The following ZNF257 variants were observed in gnomAD, a reference collection of about 807,000 sequenced individuals.
The protein encoded by ZNF257 is bone marrow zinc finger 4.
ZNF257 carries 12 observed loss-of-function variants against 11.9 expected under a neutral mutation model. The observed-to-expected ratio is 1.01, with a 90% confidence interval of 0.65 to 1.63. The LOEUF is 1.63. Among genes scored for constraint, ZNF257 ranks in the 40% most tolerant of loss-of-function variants. The pLI is 0.00. For synonymous variants in ZNF257, 183 were observed against 222.7 expected (o/e 0.82, Z 1.59); for missense variants, 580 against 665.5 (o/e 0.87, Z 1.41).
At position 22,068,873 on chromosome 19, in the gene ZNF257, T is replaced by C. The variant is rs139937682; in HGVS notation, c.4-3936T>C. On this transcript the variant is annotated intron_variant, in intron 1 of 3. Coordinates refer to ENST00000594947, the MANE Select transcript of ZNF257 (RefSeq NM_033468.4). Reference sequence around the variant, plus strand: ...TCAGCCTAAATCTCTTCTGTCTGGCTTACAATTGGGCCGTCAGCACACGGT... The same window carrying C: ...TCAGCCTAAATCTCTTCTGTCTGGCCTACAATTGGGCCGTCAGCACACGGT... 2.5e-3 allele frequency among the ~76,000 whole-genome samples: 386 copies of C among 152,284 alleles called. 3 individuals carry two copies. The highest frequency in any genetic ancestry group is 9.0e-3 in the African/African-American group (373 of 41,552).
chr19:22,056,478 ATTT>A (rs79915542), intron 1 of ZNF257, among the ~76,000 whole-genome samples: 1 of 134,602 alleles, frequency 7.4e-6, no homozygotes. Flanking sequence ...GAATTTAGAA[ATTT>A]TTTTTTTTTT....
intron 1 of ZNF257, 34 bp from the exon 2 acceptor site, chr19:22,072,775 A>T (rs748621500): frequency 3.5e-5 from 56 of 1,591,388 alleles, no homozygotes; most frequent in Non-Finnish European, 4.8e-5. Context: ...CCACTTGGTA[A>T]ATATATGTGT....
intron 3 of ZNF257, among the ~76,000 whole-genome samples, chr19:22,079,422 A>G (rs908986623): frequency 1.3e-5 from 2 of 152,170 alleles, no homozygotes; most frequent in African/African-American, 2.4e-5. Context: ...AACATACCCA[A>G]GACTGGGTAA....
intron 3 of ZNF257, among the ~76,000 whole-genome samples, chr19:22,079,591 C>T (rs1330672452): frequency 6.6e-6 from 1 of 152,082 alleles, no homozygotes; most frequent in Non-Finnish European, 1.5e-5. Context: ...ATCAGATCTC[C>T]TGGAACTTAT....
chr19:22,076,940 G>C (rs368243897), intron 3 of ZNF257, among the ~76,000 whole-genome samples: 5 of 152,170 alleles, frequency 3.3e-5, no homozygotes, highest in African/African-American at 9.6e-5. Flanking sequence ...CGCCTGCCTT[G>C]GCCTCCCAAT....
intron 3 of ZNF257, among the ~76,000 whole-genome samples, chr19:22,076,915 C>T (rs527376516): frequency 6.6e-6 from 1 of 152,146 alleles, no homozygotes; most frequent in Non-Finnish European, 1.5e-5. Flanking sequence ...GTCTCGATCA[C>T]CTGACCTCAT....
At chr19:22,054,284 G>T (rs1330988813) in intron 1 of ZNF257, among the ~76,000 whole-genome samples, 1 of 151,922 alleles carries the variant, frequency 6.6e-6, no homozygotes, top group East Asian at 2.0e-4. Context: ...GGGCTAGGCT[G>T]GTCTCGAACT....
chr19:22,075,342 CCTCGGGTCACA>C (rs1230553283), intron 3 of ZNF257: 3 of 152,094 alleles, frequency 2.0e-5, no homozygotes, highest in Non-Finnish European at 4.4e-5. Flanking sequence ...CAGAGGATTT[CCTCGGGTCACA>C]CTGTGTTGGT....
intron 3 of ZNF257, 34 bp downstream of exon 3, chr19:22,073,598 AACAGATGAGAGATCC>A (rs765597888): frequency 2.6e-5 from 41 of 1,591,042 alleles, no homozygotes; most frequent in Non-Finnish European, 3.2e-5. Flanking sequence ...CAACAGGTGA[AACAGATGAGAGATCC>A]ACAGGTCAAG....
At chr19:22,068,210 A>C (rs1264368361) in intron 1 of ZNF257, among the ~76,000 whole-genome samples, 1 of 148,206 alleles carries the variant, frequency 6.7e-6, no homozygotes, top group African/African-American at 2.5e-5. Flanking sequence ...GCTGATTATC[A>C]AAGTGTAGAT....
At position 22,089,755 on chromosome 19, in the gene ZNF257, C is replaced by A; in HGVS notation, c.*313C>A. On this transcript the variant is annotated 3_prime_UTR_variant, in exon 4 of 4. Coordinates refer to ENST00000594947, the MANE Select transcript of ZNF257 (RefSeq NM_033468.4). ...CTTTAAAAGTTCTCAACCCTTATTACACATAATTTATACTGGACAGAAATC... is the reference window on the plus strand; with the variant it reads ...CTTTAAAAGTTCTCAACCCTTATTAAACATAATTTATACTGGACAGAAATC... 1 of 416,426 alleles carries A rather than the reference C, an allele frequency of 2.4e-6. No homozygotes were observed. 25.8% of individuals were successfully genotyped at this position (416,426 alleles called of 1,614,324 possible). A position where few individuals can be genotyped will look rare whatever the true frequency, so the allele number is the denominator to read the frequency against.
At chr19:22,073,672 A>T in intron 3 of ZNF257, 108 bp downstream of exon 3, 1 of 1,379,750 alleles carries the variant, frequency 7.2e-7, no homozygotes, top group Non-Finnish European at 9.7e-7. Flanking sequence ...ATTCCAAGGG[A>T]TATAGTTTCT....
rs1343935371 is a variant in ZNF257, at chr19:22,089,516, G to T, written c.*74G>T. 3 of 1,491,032 alleles carry T rather than the reference G, an allele frequency of 2.0e-6. No homozygotes were observed. Among genetic ancestry groups the T allele is most frequent in the African/African-American group, 1.4e-5 (1 of 70,062 alleles). The allele number at this position is 1,491,032 out of a possible 1,614,324, so 92.4% of individuals were successfully genotyped here. ...TTCCTCAATCCTTACTAAACATAAG[G>T]GAATTCATAATAGAGAAACCCTACA... is the stretch of plus-strand genomic sequence containing the variant. On this transcript the variant is annotated 3_prime_UTR_variant, in exon 4 of 4. Coordinates refer to ENST00000594947, the MANE Select transcript of ZNF257 (RefSeq NM_033468.4).
At chr19:22,083,014 G>A (rs376322779) in intron 3 of ZNF257, among the ~76,000 whole-genome samples, 1 of 152,082 alleles carries the variant, frequency 6.6e-6, no homozygotes, top group Non-Finnish European at 1.5e-5. Flanking sequence ...TATTTGTGGT[G>A]TAGGTTTGTT....
At chr19:22,054,113 C>A (rs925124720) in intron 1 of ZNF257, among the ~76,000 whole-genome samples, 2 of 150,604 alleles carry the variant, frequency 1.3e-5, no homozygotes, top group Admixed American at 1.3e-4. Context: ...CACTCTGTCA[C>A]CCAGGCTGGA....
At chr19:22,060,063 A>C (rs1166806948) in intron 1 of ZNF257, among the ~76,000 whole-genome samples, 1 of 152,212 alleles carries the variant, frequency 6.6e-6, no homozygotes, top group East Asian at 1.9e-4. Context: ...TACCATGGAT[A>C]GGCATTTAGG....
At chr19:22,087,053 T>G (rs1415301975) in intron 3 of ZNF257, among the ~76,000 whole-genome samples, 1 of 151,836 alleles carries the variant, frequency 6.6e-6, no homozygotes, top group Non-Finnish European at 1.5e-5. Context: ...CTTATTTTTC[T>G]GATTTTCAGT....
intron 1 of ZNF257, among the ~76,000 whole-genome samples, chr19:22,061,577 T>C (rs1313986396): frequency 6.6e-6 from 1 of 152,146 alleles, no homozygotes; most frequent in Admixed American, 6.5e-5. Context: ...TCATGTTGTC[T>C]GCACACAAAG....
At chr19:22,054,884 A>G (rs2021584240) in intron 1 of ZNF257, among the ~76,000 whole-genome samples, 1 of 148,922 alleles carries the variant, frequency 6.7e-6, no homozygotes, top group South Asian at 2.1e-4. Flanking sequence ...TATATCTGCT[A>G]GAGTATCTAG....
Sources: allele counts gnomAD v4.1 joint callset (sites outside exome capture counted in the v4.1 genomes callset), GRCh38; gene constraint gnomAD v4.1.1; transcripts MANE v1.5; gene names NCBI Gene and HGNC (gene_info 2026-07-23, HGNC 2026-07-21).